MTMR10: variants seen among roughly 807,000 people sequenced by gnomAD.
The protein encoded by MTMR10 is myotubularin-related protein 10.
A neutral mutation model predicts 88.1 loss-of-function variants in MTMR10; 56 were observed. The observed-to-expected ratio is 0.64, with a 90% confidence interval of 0.51 to 0.79. The LOEUF (loss-of-function observed/expected upper bound fraction) is 0.79, where lower values mean the gene tolerates loss of function less well. Ranked by LOEUF, MTMR10 falls within the 30% of genes least tolerant of loss-of-function variation. The pLI, the probability that MTMR10 is intolerant of heterozygous loss-of-function variation, is 0.00. For missense variants in MTMR10, 883 were observed against 924.7 expected (o/e 0.95, Z 0.58); for synonymous variants, 380 against 340.9 (o/e 1.11, Z -1.26).
At chr15:30,982,161 T>C (rs2030625057) in intron 2 of MTMR10, among the ~76,000 whole-genome samples, 1 of 152,032 alleles carries the variant, frequency 6.6e-6, no homozygotes, top group African/African-American at 2.4e-5. Context: ...ATGAAAAAGC[T>C]GTCACAGACT....
At chr15:30,972,056 C>G (rs1015758366) in intron 5 of MTMR10, among the ~76,000 whole-genome samples, 3 of 152,074 alleles carry the variant, frequency 2.0e-5, no homozygotes, top group Admixed American at 2.0e-4. Context: ...TTAGGTATTT[C>G]AAAATGAATC....
chr15:30,955,594 A>C (rs2063315428), intron 9 of MTMR10, among the ~76,000 whole-genome samples: 1 of 152,098 alleles, frequency 6.6e-6, no homozygotes, highest in Non-Finnish European at 1.5e-5. Context: ...CTGATGGGAG[A>C]AAATAAAGCA....
chr15:30,929,708 C>CATAATATATATGAA, the MTMR10 span, among the ~76,000 whole-genome samples: 2 of 76,516 alleles, frequency 2.6e-5, no homozygotes, highest in Non-Finnish European at 4.5e-5. Context: ...TATATTATAT[C>CATAATATATATGAA]ATATATAATA....
the MTMR10 span, chr15:30,928,539 T>TGTGTGTGTGTGTGA: frequency 6.2e-7 from 1 of 1,611,322 alleles, no homozygotes; most frequent in African/African-American, 1.3e-5. Context: ...TGTGTGTGTG[T>TGTGTGTGTGTGTGA]GACCTTGTCT....
At chr15:30,973,281 T>C (rs1048544226) in intron 5 of MTMR10, among the ~76,000 whole-genome samples, 2 of 152,094 alleles carry the variant, frequency 1.3e-5, no homozygotes, top group African/African-American at 2.4e-5. Context: ...CTTTTACCCA[T>C]AGAGGAGCCT....
chr15:30,987,389 T>C (rs985132873), intron 2 of MTMR10, among the ~76,000 whole-genome samples: 6 of 152,258 alleles, frequency 3.9e-5, no homozygotes, highest in African/African-American at 9.6e-5. Context: ...GAGTTTCATG[T>C]ATCAGGAAAG....
intron 2 of MTMR10, among the ~76,000 whole-genome samples, chr15:30,982,060 G>C (rs1366726626): frequency 6.9e-6 from 1 of 144,678 alleles, no homozygotes; most frequent in Non-Finnish European, 1.5e-5. Flanking sequence ...GACAGAACAA[G>C]ACTCCATCTC....
intron 2 of MTMR10, among the ~76,000 whole-genome samples, chr15:30,984,878 C>A (rs1215283638): frequency 3.3e-5 from 5 of 152,168 alleles, no homozygotes; most frequent in Non-Finnish European, 5.9e-5. Flanking sequence ...TCTTTCTTGA[C>A]ACCCCTGCCC....
chr15:30,942,018 TGA>T lies in MTMR10; in HGVS notation c.1784_1785del (p.Ile595AsnfsTer3). The T allele has an allele frequency of 6.2e-7, 1 of 1,614,012 alleles. No individual in the cohort carries two copies. On this transcript the variant is annotated frameshift_variant, in exon 16 of 16. Transcript: ENST00000435680. LOFTEE classifies it low-confidence loss of function (END_TRUNC). ...RGMPSALKNGIISDQELLPRR... is the reference protein window; with the variant it reads ...RGMPSALKNGXISDQELLPRR... Reference sequence around the variant, plus strand: ...CTTGGAAGTAATTCTTGGTCACTGATGATTCCATTCTTTAAGGCAGACGGCAT... The same window carrying T: ...CTTGGAAGTAATTCTTGGTCACTGATTTCCATTCTTTAAGGCAGACGGCAT...
Position 30,941,943 on chromosome 15 carries a change from C to G in MTMR10, c.1861G>C (p.Asp621His), listed in dbSNP as rs534898131. The stretch of plus-strand genomic sequence containing the variant: ...TGCTCCGTATCACTGTTCTGGCTGT[C>G]GGTTTGCTGAGCTGGATCTGGCTTT... Reference protein sequence around the residue: ...KPKPDPAQQTDSQNSDTEQYF... With the variant: ...KPKPDPAQQTHSQNSDTEQYF... The change falls in exon 16 of 16, where the codon GAC becomes CAC. Residue 621 changes from aspartate to histidine, a missense_variant. Physicochemically the swap from Asp to His is moderately conservative, Grantham distance 81. This residue lies in a region of MTMR10 where 343 missense variants were observed against 323.2 expected (regional missense o/e 1.06). Transcript: ENST00000435680. 1 of 1,613,976 alleles carries G rather than the reference C, an allele frequency of 6.2e-7. No individual in the cohort carries two copies. Among genetic ancestry groups the G allele is most frequent in the Non-Finnish European group, 8.5e-7 (1 of 1,179,890 alleles).
chr15:30,942,145 T>C (rs1595904029), intron 15 of MTMR10, 73 bp from the exon 16 acceptor site: 14 of 1,471,572 alleles, frequency 9.5e-6, no homozygotes, highest in South Asian at 5.3e-5. Context: ...ATGGCAAATA[T>C]AAACTCAATA....
At chr15:30,979,431 C>T (rs1456184888) in intron 2 of MTMR10, among the ~76,000 whole-genome samples, 3 of 151,046 alleles carry the variant, frequency 2.0e-5, no homozygotes, top group Non-Finnish European at 3.0e-5. Flanking sequence ...CGTGGTGGTG[C>T]GCCAGGCGTG....
At chr15:30,963,426 C>A (rs1167016893) in intron 6 of MTMR10, among the ~76,000 whole-genome samples, 1 of 151,822 alleles carries the variant, frequency 6.6e-6, no homozygotes, top group Non-Finnish European at 1.5e-5. Context: ...GTCAGGAGAT[C>A]GAGACCATCT....
chr15:30,988,603 T>C (rs1288996558), intron 2 of MTMR10, among the ~76,000 whole-genome samples: 2 of 152,224 alleles, frequency 1.3e-5, no homozygotes, highest in Non-Finnish European at 2.9e-5. Flanking sequence ...AGCCATTTTA[T>C]AGAATTGATA....
In MTMR10 at chr15:30,958,872, A is replaced by G. The variant is rs2063362081; in HGVS notation, c.926T>C (p.Ile309Thr). 5 of 1,613,718 alleles carry G rather than the reference A, an allele frequency of 3.1e-6. No homozygotes were observed. Among genetic ancestry groups the G allele is most frequent in the African/African-American group, 2.7e-5 (2 of 74,908 alleles). Residue 309 changes from isoleucine to threonine, a missense_variant, in exon 9 of 16, where the codon ATT (isoleucine) becomes ACT (threonine). By Grantham distance (89) the Ile-to-Thr change is moderately conservative. This residue lies in a region of MTMR10 where 414 missense variants were observed against 423.2 expected (regional missense o/e 0.98). Coordinates refer to ENST00000435680, the MANE Select transcript of MTMR10 (RefSeq NM_017762.3). The stretch of plus-strand genomic sequence containing the variant: ...ACCATTTCTCAATTACCTCTGGTCA[A>G]TCTTCCTCTGCTGCAGCACGTCTTT... The part of the protein sequence containing the change: ...LIKDVLQQRK[I>T]DQRICNAITK...
rs1017637410 is a variant in MTMR10 at position 30,941,013 on chromosome 15, G to C, written c.*457C>G. 28 of 1,169,914 alleles carry C rather than the reference G, an allele frequency of 2.4e-5. No homozygotes were observed. Among genetic ancestry groups the C allele is most frequent in the Non-Finnish European group, 2.9e-5 (27 of 934,210 alleles). 72.5% of individuals were successfully genotyped at this position (1,169,914 alleles called of 1,614,324 possible). ...AACCTTCATCAGGTGAGTTCAATTA[G>C]AGACGACAGAAAGTAACCAGAAAAA... is the stretch of plus-strand genomic sequence containing the variant. On this transcript the variant is annotated 3_prime_UTR_variant, in exon 16 of 16. Coordinates refer to ENST00000435680, the MANE Select transcript of MTMR10 (RefSeq NM_017762.3).
chr15:30,952,118 C>G, intron 11 of MTMR10, 80 bp from the exon 12 acceptor site: 1 of 1,194,954 alleles, frequency 8.4e-7, no homozygotes, highest in Non-Finnish European at 1.2e-6. Flanking sequence ...TCAAGCAAAT[C>G]TAATTTCTCA....
the MTMR10 span, chr15:30,928,922 C>T: frequency 2.2e-6 from 1 of 456,452 alleles, no homozygotes; most frequent in South Asian, 9.3e-5. Flanking sequence ...CCCTCCCGAG[C>T]ACCTGCCGTG....
At chr15:30,925,661 C>T in the MTMR10 span, 1 of 1,059,624 alleles carries the variant, frequency 9.4e-7, no homozygotes, top group South Asian at 1.4e-5. Context: ...GTGTGAGCCC[C>T]ACGCTGTGTG....
Sources: allele counts gnomAD v4.1 joint callset (sites outside exome capture counted in the v4.1 genomes callset), GRCh38; gene constraint gnomAD v4.1.1; regional missense constraint gnomAD v4.1.1; transcripts MANE v1.5; gene names NCBI Gene and HGNC (gene_info 2026-07-23, HGNC 2026-07-21).